The following RBFOX1 variants were observed in gnomAD, a reference collection of about 807,000 sequenced individuals.
RBFOX1 encodes the protein RNA binding protein fox-1 homolog 1.
In RBFOX1, 8 loss-of-function variants were observed where a neutral mutation model predicts 57.7. That is an observed-to-expected ratio of 0.14 (90% CI 0.08 to 0.25). The LOEUF (loss-of-function observed/expected upper bound fraction) is 0.25. Ranked by LOEUF, RBFOX1 falls within the 10% of genes least tolerant of loss-of-function variation. RBFOX1 has a pLI of 1.00. For missense variants in RBFOX1, 611 were observed against 548.5 expected (o/e 1.11, Z -1.14); for synonymous variants, 326 against 222.4 (o/e 1.47, Z -4.15).
intron 1 of RBFOX1, among the ~76,000 whole-genome samples, chr16:6,275,463 A>G (rs549014614): frequency 1.3e-5 from 2 of 152,184 alleles, no homozygotes; most frequent in Admixed American, 6.5e-5. Context: ...TTCGCATCTC[A>G]TAACTACCCC....
chr16:6,704,783 T>G (rs1223237597), intron 3 of RBFOX1: 2 of 152,210 alleles, frequency 1.3e-5, no homozygotes, highest in Non-Finnish European at 2.9e-5. Flanking sequence ...TCCCAAGAAC[T>G]GTAGCTTCGT....
intron 3 of RBFOX1, among the ~76,000 whole-genome samples, chr16:6,913,364 G>C (rs2072214555): frequency 6.6e-6 from 1 of 152,082 alleles, no homozygotes; most frequent in Non-Finnish European, 1.5e-5. Context: ...TTATGAGCGT[G>C]TTAGCTCAGG....
At chr16:6,046,975 G>A (rs1267573184) in intron 1 of RBFOX1, among the ~76,000 whole-genome samples, 1 of 152,170 alleles carries the variant, frequency 6.6e-6, no homozygotes, top group African/African-American at 2.4e-5. Flanking sequence ...AGAAAGACAT[G>A]TGCAGAGTTG....
chr16:6,993,361 C>T (rs1026872997), intron 3 of RBFOX1, among the ~76,000 whole-genome samples: 5 of 152,096 alleles, frequency 3.3e-5, no homozygotes, highest in African/African-American at 4.8e-5. Context: ...TAGGGCAAAT[C>T]CTCATTTAGC....
intron 2 of RBFOX1, among the ~76,000 whole-genome samples, chr16:5,532,778 G>A (rs374904298): frequency 6.6e-6 from 1 of 152,152 alleles, no homozygotes; most frequent in East Asian, 1.9e-4. Context: ...TCCTGGATTG[G>A]GGTGAATTGG....
intron 4 of RBFOX1, among the ~76,000 whole-genome samples, chr16:7,312,820 G>A (rs966630529): frequency 6.6e-6 from 1 of 152,112 alleles, no homozygotes; most frequent in Non-Finnish European, 1.5e-5. Context: ...TTGGGCACAC[G>A]TTGAAGTTTA....
intron 1 of RBFOX1, among the ~76,000 whole-genome samples, chr16:6,253,434 G>A (rs1319563240): frequency 6.6e-6 from 1 of 152,142 alleles, no homozygotes; most frequent in African/African-American, 2.4e-5. Flanking sequence ...TTATCCTGAT[G>A]TCTGACTCAG....
rs570508052 is a variant in RBFOX1 at position 6,891,909 on chromosome 16, C to T, written c.-15-160148C>T. On this transcript the variant is annotated intron_variant, in intron 3 of 15. Coordinates refer to ENST00000550418, the MANE Select transcript of RBFOX1 (RefSeq NM_018723.4). ...AACAATCCCTGCTCATTCTTTTCTT[C>T]CCTTTCTTTCCAGCAAGTCGGTTTT... is the stretch of plus-strand genomic sequence containing the variant. Among the ~76,000 whole-genome samples the T allele has an allele frequency of 5.3e-5, 8 of 152,256 alleles. No homozygotes were observed. The South Asian group carries it at 1.5e-3, about 28-fold the overall frequency.
chr16:7,358,327 A>T (rs775006608), intron 4 of RBFOX1, among the ~76,000 whole-genome samples: 1 of 152,264 alleles, frequency 6.6e-6, no homozygotes, highest in Non-Finnish European at 1.5e-5. Context: ...AATAATTTGC[A>T]AATTGTTTAA....
intron 5 of RBFOX1, among the ~76,000 whole-genome samples, chr16:7,564,934 G>T (rs1049981350): frequency 6.6e-6 from 1 of 152,178 alleles, no homozygotes; most frequent in Non-Finnish European, 1.5e-5. Context: ...GAAATGTGAT[G>T]TATTTCTTAA....
chr16:7,494,727 A>G (rs1157466735), intron 4 of RBFOX1, among the ~76,000 whole-genome samples: 2 of 152,034 alleles, frequency 1.3e-5, no homozygotes, highest in Non-Finnish European at 2.9e-5. Context: ...GCATTTGAAC[A>G]ACAGGCCTTC....
At chr16:6,550,404 T>G (rs2096968300) in intron 2 of RBFOX1, among the ~76,000 whole-genome samples, 1 of 152,188 alleles carries the variant, frequency 6.6e-6, no homozygotes. Flanking sequence ...CTCCAGTTCA[T>G]GGCCTCCAAT....
chr16:7,330,707 C>T (rs1298556078), intron 4 of RBFOX1, among the ~76,000 whole-genome samples: 2 of 151,854 alleles, frequency 1.3e-5, no homozygotes, highest in African/African-American at 4.8e-5. Context: ...AAATTTGTTG[C>T]CTGAATGATG....
chr16:6,416,331 C>G (rs569412493), intron 2 of RBFOX1, among the ~76,000 whole-genome samples: 30 of 152,256 alleles, frequency 2.0e-4, no homozygotes, highest in African/African-American at 7.0e-4. Context: ...ATAGCTCAAG[C>G]CTCTGATTAT....
chr16:6,507,259 C>G (rs2096124884), intron 2 of RBFOX1, among the ~76,000 whole-genome samples: 1 of 152,052 alleles, frequency 6.6e-6, no homozygotes, highest in Non-Finnish European at 1.5e-5. Context: ...CATAAATCAA[C>G]TATACACCCA....
intron 2 of RBFOX1, among the ~76,000 whole-genome samples, chr16:6,497,340 G>A (rs1798814755): frequency 6.6e-6 from 1 of 152,096 alleles, no homozygotes; most frequent in Non-Finnish European, 1.5e-5. Flanking sequence ...ATGTGACATT[G>A]ACATGGAGCT....
chr16:6,165,883 C>T (rs1446680358), intron 1 of RBFOX1, among the ~76,000 whole-genome samples: 1 of 152,002 alleles, frequency 6.6e-6, no homozygotes, highest in Admixed American at 6.5e-5. Flanking sequence ...GTAAAATGGG[C>T]CAATGCATGA....
At chr16:7,377,374 G>A (rs1294395549) in intron 4 of RBFOX1, among the ~76,000 whole-genome samples, 1 of 152,122 alleles carries the variant, frequency 6.6e-6, no homozygotes, top group Non-Finnish European at 1.5e-5. Flanking sequence ...AGAAGAACCA[G>A]GCCTGTTTAC....
chr16:6,845,453 T>A (rs1195971458), intron 3 of RBFOX1, among the ~76,000 whole-genome samples: 1 of 152,184 alleles, frequency 6.6e-6, no homozygotes, highest in African/African-American at 2.4e-5. Context: ...TCCCCATTGC[T>A]TGTTTTTGTC....
Sources: gnomAD v4.1 joint callset for allele counts (sites outside exome capture counted in the v4.1 genomes callset) on GRCh38, gnomAD v4.1.1 for gene constraint, MANE v1.5 for transcripts, NCBI Gene and HGNC (gene_info 2026-07-23, HGNC 2026-07-21) for gene names.